Variants in ZNF883 observed in about 807,000 individuals in gnomAD.
The protein encoded by ZNF883 is zinc finger protein 883.
upstream of ZNF883, chr9:112,998,617 A>G (rs1010849908): frequency 3.6e-5 from 6 of 166,338 alleles, no homozygotes; most frequent in Admixed American, 6.0e-5. Flanking sequence ...GAGTACTGTG[A>G]TGAAATCTTG....
chr9:112,998,231 G>A (rs369861735), exon 1 of ZNF883: 73 of 1,600,270 alleles, frequency 4.6e-5, no homozygotes, highest in South Asian at 3.3e-4. Flanking sequence ...ATATGGGTTC[G>A]CGGTCATATA....
chr9:112,997,242 T>C (rs1828369741), exon 1 of ZNF883: 8 of 1,614,094 alleles, frequency 5.0e-6, no homozygotes, highest in Non-Finnish European at 5.9e-6. Context: ...TGTATTCGCT[T>C]ATGTTTAGTT....
chr9:113,005,241 A>G (rs1413270730), intron 2 of ZNF883, among the ~76,000 whole-genome samples: 1 of 152,192 alleles, frequency 6.6e-6, no homozygotes, highest in African/African-American at 2.4e-5. Context: ...TTAAAAGACA[A>G]AAGACATATT....
At chr9:112,995,356 C>T (rs4979205), downstream of ZNF883, among the ~76,000 whole-genome samples, 41,613 of 151,924 alleles carry the variant, frequency 0.27, 6,873 homozygotes, top group African/African-American at 0.45. Flanking sequence ...ACTTTACCAT[C>T]GGCTCTCCTG....
In ZNF883 at chr9:112,997,688, C is replaced by CA. The variant is rs1318733479; in HGVS notation, n.571dup. 1.4e-5 allele frequency: 23 copies of CA among 1,611,746 alleles called. No individual in the cohort carries two copies. The Admixed American group carries it at 3.5e-4, about 25-fold the overall frequency. Reference sequence around the variant, plus strand: ...ATGTCGGATTAGTGATGTACTGTGGCAAAAAACTTTCCGACATTGCTTACA... The same window carrying CA: ...ATGTCGGATTAGTGATGTACTGTGGCAAAAAAACTTTCCGACATTGCTTACA... On this transcript the variant is annotated non_coding_transcript_exon_variant, in exon 1 of 1. Transcript: ENST00000639662.
downstream of ZNF883, among the ~76,000 whole-genome samples, chr9:112,994,619 ATAT>A (rs150504933): frequency 1.3e-3 from 197 of 152,052 alleles, 1 homozygote; most frequent in African/African-American, 4.5e-3. Context: ...ATTTATTATA[ATAT>A]TCTATATTTT....
At chr9:112,993,163 G>A (rs1460715667), downstream of ZNF883, among the ~76,000 whole-genome samples, 4 of 152,196 alleles carry the variant, frequency 2.6e-5, no homozygotes, top group South Asian at 4.1e-4. Context: ...GGCTTTTTGA[G>A]TTTTCAGTGG....
At chr9:113,007,051 G>A (rs959144425) in intron 2 of ZNF883, among the ~76,000 whole-genome samples, 11 of 152,098 alleles carry the variant, frequency 7.2e-5, no homozygotes, top group African/African-American at 2.2e-4. Flanking sequence ...AAAATTAGCC[G>A]GGCGTGGTGG....
At chr9:113,002,938 A>G (rs989623762), upstream of ZNF883, among the ~76,000 whole-genome samples, 2 of 152,222 alleles carry the variant, frequency 1.3e-5, no homozygotes, top group African/African-American at 2.4e-5. Context: ...ATCCTGAAGC[A>G]TAGACTGAGC....
chr9:112,998,289 T>TATTTTTTC (rs754524816), upstream of ZNF883: 17 of 1,445,756 alleles, frequency 1.2e-5, no homozygotes, highest in African/African-American at 2.3e-4. Flanking sequence ...TACATTTATT[T>TATTTTTTC]ATTTTTTCAT....
intron 2 of ZNF883, among the ~76,000 whole-genome samples, chr9:113,009,198 C>A (rs1013186206): frequency 2.0e-5 from 3 of 152,156 alleles, no homozygotes; most frequent in Admixed American, 6.5e-5. Context: ...ATATGTAAAT[C>A]TTAATAGAGC....
chr9:112,994,011 C>T (rs534183838), downstream of ZNF883, among the ~76,000 whole-genome samples: 4 of 152,248 alleles, frequency 2.6e-5, no homozygotes, highest in African/African-American at 9.6e-5. Context: ...GTGGCCAGTC[C>T]TTCCCGCAGG....
chr9:113,001,414 A>G (rs1008555770), upstream of ZNF883, among the ~76,000 whole-genome samples: 3 of 152,138 alleles, frequency 2.0e-5, no homozygotes, highest in Non-Finnish European at 2.9e-5. Flanking sequence ...AAGATTAACA[A>G]TGGAAGGGGC....
At chr9:112,999,264 A>G (rs1226350321), upstream of ZNF883, 1 of 152,226 alleles carries the variant, frequency 6.6e-6, no homozygotes, top group Non-Finnish European at 1.5e-5. Context: ...GTGAAATGGA[A>G]CAATATATAT....
At chr9:112,988,375 C>CT (rs1007286133) in intron 1 of ZNF883, among the ~76,000 whole-genome samples, 1 of 152,150 alleles carries the variant, frequency 6.6e-6, no homozygotes, top group African/African-American at 2.4e-5. Context: ...TCAGCTCCCA[C>CT]TTATAAGTGA....
At chr9:113,010,338 T>C (rs889743962) in intron 2 of ZNF883, among the ~76,000 whole-genome samples, 2 of 152,240 alleles carry the variant, frequency 1.3e-5, no homozygotes, top group African/African-American at 2.4e-5. Flanking sequence ...AAGAGTGAGA[T>C]GGGAGAATCT....
At chr9:112,997,871 C>T in exon 1 of ZNF883, 1 of 1,613,628 alleles carries the variant, frequency 6.2e-7, no homozygotes, top group Non-Finnish European at 8.5e-7. Context: ...AGCTTTCCCA[C>T]ATTCATTACA....
chr9:113,007,930 AGAAG>A (rs562576510), intron 2 of ZNF883, among the ~76,000 whole-genome samples: 1,673 of 152,260 alleles, frequency 0.011, 33 homozygotes, highest in African/African-American at 0.035. Context: ...GAAAAGAAAA[AGAAG>A]GAAAAGGAGA....
chr9:113,005,223 CAACTA>C (rs909534414), intron 2 of ZNF883, among the ~76,000 whole-genome samples: 41 of 151,988 alleles, frequency 2.7e-4, no homozygotes, highest in African/African-American at 9.6e-4. Context: ...AGAAGGCAAT[CAACTA>C]AATTAAAAGA....
Sources: allele counts gnomAD v4.1 joint callset (sites outside exome capture counted in the v4.1 genomes callset), GRCh38; gene constraint gnomAD v4.1.1; transcripts MANE v1.5; gene names NCBI Gene and HGNC (gene_info 2026-07-23, HGNC 2026-07-21).